Variants in TCF12 observed in about 807,000 individuals in gnomAD.
The protein encoded by TCF12 is transcription factor 12, also known as DNA-binding protein HTF4.
TCF12 carries 45 observed loss-of-function variants against 86.0 expected under a neutral mutation model. The observed-to-expected ratio is 0.52, with a 90% CI of 0.41 to 0.67. TCF12 has a LOEUF of 0.67. Ranked by LOEUF, TCF12 falls within the 30% of genes least tolerant of loss-of-function variation. The pLI is 0.00. For missense variants in TCF12, 881 were observed against 859.9 expected (o/e 1.02, Z -0.31); for synonymous variants, 330 against 299.6 (o/e 1.10, Z -1.05).
intron 3 of TCF12, among the ~76,000 whole-genome samples, chr15:56,940,765 C>CCTT (rs1191007508): frequency 3.3e-5 from 4 of 121,102 alleles, no homozygotes; most frequent in Non-Finnish European, 5.0e-5. Context: ...TTCTCCTTCT[C>CCTT]CTTCTTCTGA....
chr15:56,963,480 T>C (rs962777475), intron 3 of TCF12, among the ~76,000 whole-genome samples: 1 of 152,180 alleles, frequency 6.6e-6, no homozygotes, highest in African/African-American at 2.4e-5. Flanking sequence ...CAAGTGAAAA[T>C]ATAAGGATGG....
intron 5 of TCF12, among the ~76,000 whole-genome samples, chr15:57,156,290 A>G (rs1249415124): frequency 6.6e-6 from 1 of 152,256 alleles, no homozygotes; most frequent in Non-Finnish European, 1.5e-5. Context: ...TTCATGGGAC[A>G]TTAAAAGAAA....
intron 3 of TCF12, among the ~76,000 whole-genome samples, chr15:56,954,679 A>G (rs1229828286): frequency 6.6e-6 from 1 of 152,228 alleles, no homozygotes; most frequent in African/African-American, 2.4e-5. Flanking sequence ...CTATCTGACA[A>G]AGGGCTAATA....
chr15:57,047,270 C>G (rs1232654816), intron 3 of TCF12, among the ~76,000 whole-genome samples: 7 of 152,118 alleles, frequency 4.6e-5, no homozygotes, highest in African/African-American at 1.7e-4. Flanking sequence ...GTTACTTTAT[C>G]ATAGATGTTT....
intron 6 of TCF12, among the ~76,000 whole-genome samples, chr15:57,180,240 T>C (rs2056241266): frequency 6.6e-6 from 1 of 152,206 alleles, no homozygotes; most frequent in African/African-American, 2.4e-5. Flanking sequence ...CACCCTTCGA[T>C]TTTGATTTGA....
intron 3 of TCF12, among the ~76,000 whole-genome samples, chr15:57,039,343 A>G (rs2066738441): frequency 6.6e-6 from 1 of 151,918 alleles, no homozygotes; most frequent in Admixed American, 6.6e-5. Context: ...GCTTTACCCT[A>G]TTTCTGAGGC....
chr15:57,161,939 G>T (rs970594607), intron 5 of TCF12, among the ~76,000 whole-genome samples: 5 of 152,110 alleles, frequency 3.3e-5, no homozygotes, highest in Non-Finnish European at 7.4e-5. Context: ...ACGTGTCATT[G>T]TACATTAAAA....
chr15:57,284,139 AT>A (rs1184621496), intron 20 of TCF12, among the ~76,000 whole-genome samples: 2 of 152,110 alleles, frequency 1.3e-5, no homozygotes, highest in Non-Finnish European at 2.9e-5. Context: ...AACAGTAAGT[AT>A]TTTTGCTTCA....
chr15:56,929,326 TAGAA>T (rs754476426), intron 3 of TCF12, among the ~76,000 whole-genome samples: 41 of 152,198 alleles, frequency 2.7e-4, no homozygotes, highest in Admixed American at 7.9e-4. Context: ...ATGGTTTTGG[TAGAA>T]AGAAAACTGT....
intron 3 of TCF12, among the ~76,000 whole-genome samples, chr15:56,928,579 A>G (rs564475701): frequency 1.4e-4 from 22 of 152,222 alleles, no homozygotes; most frequent in African/African-American, 5.1e-4. Flanking sequence ...AATCAGGCAT[A>G]CAAGTAGTTT....
intron 5 of TCF12, among the ~76,000 whole-genome samples, chr15:57,155,652 C>G (rs1199830129): frequency 6.6e-6 from 1 of 152,036 alleles, no homozygotes; most frequent in Non-Finnish European, 1.5e-5. Flanking sequence ...TAAAATTAAC[C>G]TATGTGGGTG....
At chr15:56,983,274 G>A (rs1404466729) in intron 3 of TCF12, among the ~76,000 whole-genome samples, 2 of 152,174 alleles carry the variant, frequency 1.3e-5, no homozygotes, top group Non-Finnish European at 2.9e-5. Context: ...AACTATTAGA[G>A]AGAGAAGTTA....
At chr15:57,105,794 T>C (rs2050097441) in intron 5 of TCF12, among the ~76,000 whole-genome samples, 1 of 152,202 alleles carries the variant, frequency 6.6e-6, no homozygotes, top group Non-Finnish European at 1.5e-5. Context: ...TTTTTCTCAC[T>C]TGCAAAATGG....
chr15:56,995,193 C>T (rs1219136669), intron 3 of TCF12, among the ~76,000 whole-genome samples: 2 of 122,290 alleles, frequency 1.6e-5, no homozygotes, highest in African/African-American at 6.3e-5. Context: ...TTACTGTAGC[C>T]TTGTACAGTT....
intron 4 of TCF12, among the ~76,000 whole-genome samples, chr15:57,064,812 A>AAAAAAAAAAG (rs554263213): frequency 8.1e-6 from 1 of 123,456 alleles, no homozygotes; most frequent in Non-Finnish European, 1.6e-5. Flanking sequence ...AAAAAAAAAA[A>AAAAAAAAAAG]AGAGAGAGAG....
intron 19 of TCF12, chr15:57,278,747 C>G (rs889767152): frequency 2.8e-5 from 3 of 107,530 alleles, no homozygotes; most frequent in Non-Finnish European, 5.4e-5. Flanking sequence ...CTCCCTCCCT[C>G]CCTCTCTCTC....
chr15:57,034,959 C>A (rs1441949920), intron 3 of TCF12, among the ~76,000 whole-genome samples: 2 of 152,142 alleles, frequency 1.3e-5, no homozygotes, highest in African/African-American at 4.8e-5. Flanking sequence ...TTCCCATTTT[C>A]TGGGTGCCAT....
intron 5 of TCF12, among the ~76,000 whole-genome samples, chr15:57,112,346 C>T (rs1407782825): frequency 6.6e-6 from 1 of 152,126 alleles, no homozygotes; most frequent in Non-Finnish European, 1.5e-5. Flanking sequence ...AGGGACAGGC[C>T]TTGGGTTAGC....
At chr15:56,969,112 T>C (rs1380548870) in intron 3 of TCF12, among the ~76,000 whole-genome samples, 1 of 152,214 alleles carries the variant, frequency 6.6e-6, no homozygotes, top group African/African-American at 2.4e-5. Context: ...AGGAATTTCC[T>C]TGTGGGCAAA....
Sources: gnomAD v4.1 joint callset for allele counts (sites outside exome capture counted in the v4.1 genomes callset) on GRCh38, gnomAD v4.1.1 for gene constraint, MANE v1.5 for transcripts, NCBI Gene and HGNC (gene_info 2026-07-23, HGNC 2026-07-21) for gene names.